PLD1: variants seen among roughly 807,000 people sequenced by gnomAD.
PLD1 encodes the protein choline phosphatase 1.
In PLD1, 112 loss-of-function variants were observed where a neutral mutation model predicts 137.1. That is an observed-to-expected ratio of 0.82 (90% CI 0.70 to 0.96). The LOEUF is 0.96. PLD1 is among the 40% of genes least tolerant of loss of function. The pLI, the probability that PLD1 is intolerant of heterozygous loss-of-function variation, is 0.00. For synonymous variants in PLD1, 431 were observed against 454.7 expected, an observed-to-expected ratio of 0.95 and a Z score of 0.66; for missense variants, 1,321 against 1,342.0, an observed-to-expected ratio of 0.98 and a Z score of 0.24.
intron 23 of PLD1, among the ~76,000 whole-genome samples, chr3:171,629,704 C>T (rs1293769559): frequency 7.3e-5 from 11 of 151,542 alleles, no homozygotes; most frequent in East Asian, 3.9e-4. Context: ...TCAGAAATAA[C>T]GCCGCATATC....
chr3:171,644,260 C>T (rs1017868681), intron 22 of PLD1, among the ~76,000 whole-genome samples: 14 of 152,326 alleles, frequency 9.2e-5, no homozygotes, highest in African/African-American at 3.4e-4. Context: ...GGCTTTCTAG[C>T]CTGTGCTCCC....
chr3:171,694,646 T>C (rs1408689430), intron 12 of PLD1, among the ~76,000 whole-genome samples: 1 of 152,010 alleles, frequency 6.6e-6, no homozygotes, highest in African/African-American at 2.4e-5. Context: ...ACACCTGACA[T>C]TCTTCATCAT....
At chr3:171,765,670 T>C (rs1040756595) in intron 1 of PLD1, among the ~76,000 whole-genome samples, 4 of 152,222 alleles carry the variant, frequency 2.6e-5, no homozygotes, top group Non-Finnish European at 5.9e-5. Context: ...TGACTTGATC[T>C]GTAAAATGAG....
At chr3:171,651,865 G>C (rs547895690) in intron 21 of PLD1, among the ~76,000 whole-genome samples, 1 of 152,072 alleles carries the variant, frequency 6.6e-6, no homozygotes, top group South Asian at 2.1e-4. Context: ...TCTTTTCCAG[G>C]GCACATGCTC....
At chr3:171,692,523 A>T in intron 12 of PLD1, 81 bp from the exon 13 acceptor site, 2 of 748,614 alleles carry the variant, frequency 2.7e-6, no homozygotes. Context: ...TTTGCACTGT[A>T]CTTTCTTTCT....
intron 1 of PLD1, among the ~76,000 whole-genome samples, chr3:171,780,752 T>C (rs1002524445): frequency 3.3e-5 from 5 of 152,204 alleles, no homozygotes; most frequent in Non-Finnish European, 1.5e-5. Context: ...GAGAAATTTA[T>C]GCAAAAGCCT....
intron 19 of PLD1, among the ~76,000 whole-genome samples, chr3:171,664,750 C>T (rs1711916293): frequency 6.6e-6 from 1 of 152,112 alleles, no homozygotes; most frequent in Non-Finnish European, 1.5e-5. Context: ...TGAGCCACCA[C>T]GCCCGGCCGG....
intron 21 of PLD1, among the ~76,000 whole-genome samples, chr3:171,647,713 GGGCTTACA>G (rs1254599611): frequency 5.3e-5 from 8 of 152,128 alleles, no homozygotes; most frequent in African/African-American, 9.7e-5. Flanking sequence ...CCAAAGTGCT[GGGCTTACA>G]GGAGTGAGCC....
chr3:171,724,410 G>A (rs529644962), intron 8 of PLD1, among the ~76,000 whole-genome samples: 33 of 152,092 alleles, frequency 2.2e-4, no homozygotes, highest in Non-Finnish European at 4.8e-4. Context: ...ATAACGTTGA[G>A]CATCTTTTCG....
intron 16 of PLD1, among the ~76,000 whole-genome samples, chr3:171,678,532 A>G (rs189164152): frequency 6.6e-6 from 1 of 152,344 alleles, no homozygotes; most frequent in East Asian, 1.9e-4. Flanking sequence ...TACAAATCAC[A>G]AACGCAGCAC....
At chr3:171,757,463 G>A (rs981249580) in intron 1 of PLD1, among the ~76,000 whole-genome samples, 5 of 152,140 alleles carry the variant, frequency 3.3e-5, no homozygotes, top group African/African-American at 4.8e-5. Flanking sequence ...GCTCCTCAAA[G>A]GCACACACAC....
At chr3:171,770,393 C>G (rs1722261120) in intron 1 of PLD1, among the ~76,000 whole-genome samples, 1 of 152,150 alleles carries the variant, frequency 6.6e-6, no homozygotes, top group Non-Finnish European at 1.5e-5. Flanking sequence ...TATTCTGGTT[C>G]ACTGAAACTC....
intron 4 of PLD1, 78 bp downstream of exon 4, chr3:171,735,414 G>A: frequency 8.2e-7 from 1 of 1,213,704 alleles, no homozygotes; most frequent in Middle Eastern, 1.9e-4. Flanking sequence ...GAGATTACAG[G>A]TGTGAGCTAC....
At chr3:171,764,768 T>C (rs1010498821) in intron 1 of PLD1, among the ~76,000 whole-genome samples, 2 of 148,830 alleles carry the variant, frequency 1.3e-5, no homozygotes, top group African/African-American at 2.5e-5. Context: ...TTCTCACATA[T>C]TGCATGATTC....
intron 21 of PLD1, among the ~76,000 whole-genome samples, chr3:171,651,621 A>C (rs1461767368): frequency 6.6e-6 from 1 of 152,166 alleles, no homozygotes; most frequent in Non-Finnish European, 1.5e-5. Flanking sequence ...GTGCACAAAC[A>C]CACATCAGTT....
At chr3:171,704,769 G>C (rs74465050) in intron 11 of PLD1, among the ~76,000 whole-genome samples, 9 of 152,162 alleles carry the variant, frequency 5.9e-5, no homozygotes, top group African/African-American at 1.7e-4. Context: ...GGAGATCATA[G>C]AGCAGCAGTC....
chr3:171,670,660 C>T (rs1166396230), intron 19 of PLD1, among the ~76,000 whole-genome samples: 5 of 152,198 alleles, frequency 3.3e-5, no homozygotes, highest in Non-Finnish European at 7.3e-5. Context: ...AGTTTCTTAA[C>T]TCTTATCCTT....
At chr3:171,803,413 A>G (rs1460129740) in intron 1 of PLD1, among the ~76,000 whole-genome samples, 1 of 152,250 alleles carries the variant, frequency 6.6e-6, no homozygotes, top group Non-Finnish European at 1.5e-5. Flanking sequence ...TGGTGTGCTG[A>G]GAAATGCTTA....
rs1216645569 is a variant in PLD1 at position 171,676,827 on chromosome 3, A to G, written c.2003T>C (p.Ile668Thr). Residue 668 changes from isoleucine (I) to threonine (T), a missense_variant, in exon 18 of 27, where the codon ATT becomes ACT. Coordinates refer to ENST00000351298, the MANE Select transcript of PLD1 (RefSeq NM_002662.5). ...CATCCGGGGCGTGGAGTACCTGTCA[A>G]TGAAATCTGCCCGGGTGCACCAGGC... ...VQLDKPFADF[I>T]DRYSTPRMPW... is the part of the protein sequence containing the mutation. 4.3e-6 allele frequency: 7 copies of G among 1,611,468 alleles called. No individual in the cohort carries two copies. The highest frequency in any genetic ancestry group is 1.3e-5 in the African/African-American group (1 of 74,890).
Sources: allele counts gnomAD v4.1 joint callset (sites outside exome capture counted in the v4.1 genomes callset), GRCh38; gene constraint gnomAD v4.1.1; transcripts MANE v1.5; gene names NCBI Gene and HGNC (gene_info 2026-07-23, HGNC 2026-07-21).